The following TMEM33 variants were observed in gnomAD, a reference collection of about 807,000 sequenced individuals.
TMEM33 encodes the protein transmembrane protein 33.
Under a neutral mutation model 29.7 loss-of-function variants are expected in TMEM33, and 16 were observed. The observed-to-expected ratio is 0.54, with a 90% confidence interval of 0.36 to 0.82. The LOEUF (loss-of-function observed/expected upper bound fraction) is 0.82. TMEM33 is among the 40% of genes least tolerant of loss of function. TMEM33 has a pLI of 0.00. For missense variants in TMEM33, 252 were observed against 295.3 expected (o/e 0.85, Z 1.08); for synonymous variants, 112 against 109.4 (o/e 1.02, Z -0.15).
rs34296933 is a variant in TMEM33 at position 41,960,765 on chromosome 4, GA to G, written c.*6575del. Among the ~76,000 whole-genome samples, 37 of 149,842 alleles carry G rather than the reference GA, an allele frequency of 2.5e-4. No individual in the cohort carries two copies. Among genetic ancestry groups the G allele is most frequent in the Non-Finnish European group, 3.0e-5 (2 of 67,318 alleles). ...AAAAATGTGATCTAAGGTGTAACTG[GA>G]AAAAAAAAGGAAAGAAAAATTACAT... On this transcript the variant is annotated 3_prime_UTR_variant, in exon 7 of 7. Transcript: ENST00000504986.
intron 2 of TMEM33, 86 bp from the exon 3 acceptor site, chr4:41,939,110 G>T (rs1053897576): frequency 8.2e-6 from 11 of 1,334,112 alleles, no homozygotes; most frequent in Non-Finnish European, 1.1e-5. Context: ...TTTAGGTGTT[G>T]TGCAATTATG....
In TMEM33 at chr4:41,955,445, C is replaced by T. The variant is rs2153128290; in HGVS notation, c.*1246C>T. 6.6e-6 allele frequency: 1 copy of T among 152,644 alleles called. No homozygotes were observed. Among genetic ancestry groups the T allele is most frequent in the South Asian group, 2.1e-4 (1 of 4,820 alleles). The allele number at this position is 152,644 out of a possible 1,614,324, so 9.5% of individuals were successfully genotyped here. ...GTTGCATGATTGGAAATGTTTAAAACATTGTACAGTTTTAGTATAGAGAAA... is the reference window on the plus strand; with the variant it reads ...GTTGCATGATTGGAAATGTTTAAAATATTGTACAGTTTTAGTATAGAGAAA... On this transcript the variant is annotated 3_prime_UTR_variant, in exon 7 of 7. Coordinates refer to ENST00000504986, the MANE Select transcript of TMEM33 (RefSeq NM_018126.3).
At chr4:41,947,640 T>G (rs2153127452) in intron 5 of TMEM33, among the ~76,000 whole-genome samples, 1 of 152,340 alleles carries the variant, frequency 6.6e-6, no homozygotes, top group African/African-American at 2.4e-5. Context: ...AAAGTGGTAC[T>G]TAATTCCTAT....
chr4:41,957,024 G>GCAGT lies in TMEM33; in HGVS notation c.*2825_*2826insCAGT, dbSNP rs1713302786. The GCAGT allele has an allele frequency of 2.0e-5, 3 of 152,148 alleles. No homozygotes were observed. The highest frequency in any genetic ancestry group is 2.9e-5 in the Non-Finnish European group (2 of 67,970). 9.4% of individuals were successfully genotyped at this position (152,148 alleles called of 1,614,324 possible). On this transcript the variant is annotated 3_prime_UTR_variant, in exon 7 of 7. Transcript: ENST00000504986. ...TCTTTACTGCATCATTGAACTTATT[G>GCAGT]TTAGTTACAGGTTTAAAAGAAGTTC...
At chr4:41,951,798 G>A (rs1253744993) in intron 6 of TMEM33, among the ~76,000 whole-genome samples, 7 of 152,138 alleles carry the variant, frequency 4.6e-5, no homozygotes, top group Admixed American at 4.6e-4. Flanking sequence ...CTGACACATG[G>A]GTGCCTGAAA....
chr4:41,935,524 G>A lies in TMEM33; in HGVS notation c.40G>A (p.Ala14Thr). The stretch of plus-strand genomic sequence containing the variant: ...CCCGAACGGCCCCCAAGGGGCGGGC[G>A]CTGTGGTAAGTGCGAGGGCAGGGTA... The part of the protein sequence containing the change: ...TTPNGPQGAG[A>T]VQFMMTNKLD... Residue 14 changes from alanine (A) to threonine (T), a missense_variant, in exon 1 of 7, where the codon GCT (alanine) becomes ACT (threonine). Coordinates refer to ENST00000504986, the MANE Select transcript of TMEM33 (RefSeq NM_018126.3). The A allele has an allele frequency of 6.2e-7, 1 of 1,607,612 alleles. No homozygotes were observed. Among genetic ancestry groups the A allele is most frequent in the East Asian group, 2.2e-5 (1 of 44,688 alleles).
intron 6 of TMEM33, chr4:41,953,736 C>T (rs1713142036): frequency 2.2e-6 from 1 of 459,254 alleles, no homozygotes. Context: ...CCTTCATGAA[C>T]TGCTTCATCT....
intron 1 of TMEM33, among the ~76,000 whole-genome samples, chr4:41,937,637 T>TTA (rs1160665187): frequency 3.3e-5 from 5 of 152,198 alleles, no homozygotes; most frequent in African/African-American, 1.2e-4. Flanking sequence ...TCAAAATCCA[T>TTA]TATATACAGT....
rs575341860 is a variant in TMEM33, at chr4:41,946,996, G to C, written c.530+2070G>C. 3.5e-3 allele frequency among the ~76,000 whole-genome samples: 535 copies of C among 152,192 alleles called. 1 individual carries two copies. The highest frequency in any genetic ancestry group is 5.9e-3 in the Non-Finnish European group (398 of 68,002). The stretch of plus-strand genomic sequence containing the variant: ...TCACAGCCTGTAAACCCAGCACTTT[G>C]GGAAGCCAAAGCTGGCAGAGCATGA... On this transcript the variant is annotated intron_variant, in intron 5 of 6. Transcript: ENST00000504986.
intron 5 of TMEM33, 105 bp from the exon 6 acceptor site, chr4:41,949,197 A>G: frequency 1.5e-6 from 1 of 657,112 alleles, no homozygotes; most frequent in Middle Eastern, 2.9e-4. Context: ...TGACCATTTG[A>G]TGAATGAAGA....
intron 6 of TMEM33, chr4:41,953,833 A>G (rs1397482717): frequency 1.1e-5 from 6 of 530,770 alleles, no homozygotes; most frequent in Non-Finnish European, 2.2e-5. Context: ...ACAGATCACC[A>G]TAATAGATTA....
At chr4:41,940,676 G>T (rs920730496) in intron 3 of TMEM33, among the ~76,000 whole-genome samples, 1 of 151,912 alleles carries the variant, frequency 6.6e-6, no homozygotes, top group Non-Finnish European at 1.5e-5. Flanking sequence ...GGGCATGGTG[G>T]CATGTGCCTG....
chr4:41,945,014 G>A (rs776262772), intron 5 of TMEM33, 88 bp downstream of exon 5: 1,032 of 1,519,572 alleles, frequency 6.8e-4, no homozygotes, highest in Non-Finnish European at 8.7e-4. Flanking sequence ...TAAATCTGTT[G>A]AAGGTAGGTA....
chr4:41,943,109 A>G (rs2153126923), intron 3 of TMEM33, among the ~76,000 whole-genome samples: 1 of 152,364 alleles, frequency 6.6e-6, no homozygotes, highest in Admixed American at 6.5e-5. Context: ...TAGGGTTAGA[A>G]GCTATACTTA....
At chr4:41,950,344 A>G (rs939938526) in intron 6 of TMEM33, among the ~76,000 whole-genome samples, 3 of 152,174 alleles carry the variant, frequency 2.0e-5, no homozygotes, top group Admixed American at 6.5e-5. Flanking sequence ...CAATGAGTGC[A>G]TTACAGCAAT....
chr4:41,943,451 G>A (rs1219299557), intron 3 of TMEM33, among the ~76,000 whole-genome samples: 1 of 152,064 alleles, frequency 6.6e-6, no homozygotes, highest in Non-Finnish European at 1.5e-5. Flanking sequence ...CTTGAACCCA[G>A]GAGGTGGAGG....
At chr4:41,945,740 G>A (rs1712755877) in intron 5 of TMEM33, among the ~76,000 whole-genome samples, 2 of 152,128 alleles carry the variant, frequency 1.3e-5, no homozygotes, top group Admixed American at 1.3e-4. Flanking sequence ...GGAGGCCAAA[G>A]TGGGCAGATC....
At chr4:41,952,765 T>C (rs1020393437) in intron 6 of TMEM33, among the ~76,000 whole-genome samples, 1 of 152,132 alleles carries the variant, frequency 6.6e-6, no homozygotes, top group Non-Finnish European at 1.5e-5. Flanking sequence ...AGTGTATTGA[T>C]CCAACTGGGA....
Position 41,943,830 on chromosome 4 carries a change from CTT to C in TMEM33, c.396+18_396+19del, listed in dbSNP as rs772677833. 84 of 1,608,286 alleles carry C rather than the reference CTT, an allele frequency of 5.2e-5. 1 individual carries two copies. Among genetic ancestry groups the C allele is most frequent in the South Asian group, 2.3e-4 (21 of 90,656 alleles). ...GGTCCTTGACGTAAGTAAAACTGCT[CTT>C]TGTCTGACTTCTGAATTACAGATCA... On this transcript the variant is annotated intron_variant, in intron 4 of 6. Coordinates refer to ENST00000504986, the MANE Select transcript of TMEM33 (RefSeq NM_018126.3).
Sources: gnomAD v4.1 joint callset for allele counts (sites outside exome capture counted in the v4.1 genomes callset) on GRCh38, gnomAD v4.1.1 for gene constraint, MANE v1.5 for transcripts, NCBI Gene and HGNC (gene_info 2026-07-23, HGNC 2026-07-21) for gene names.